LONRF3: variants seen among roughly 807,000 people sequenced by gnomAD.
LONRF3 encodes LON peptidase N-terminal domain and RING finger protein 3.
A neutral mutation model predicts 51.7 loss-of-function variants in LONRF3; 19 were observed. The ratio of observed to expected loss-of-function variants is 0.37; its 90% CI spans 0.26 to 0.54. The LOEUF (loss-of-function observed/expected upper bound fraction) is 0.54. Ranked by LOEUF, LONRF3 falls within the 20% of genes least tolerant of loss-of-function variation. LONRF3 has a pLI of 0.86. For missense variants in LONRF3, 521 were observed against 623.9 expected (o/e 0.84, Z 1.76); for synonymous variants, 265 against 257.8 (o/e 1.03, Z -0.27).
chrX:119,003,670 C>T (rs1924491976), intron 5 of LONRF3, among the ~76,000 whole-genome samples: 1 of 112,421 alleles, frequency 8.9e-6, no homozygotes, highest in Admixed American at 9.4e-5. Context: ...TGAGTCCTCC[C>T]ACATCGTTGC....
At position 118,975,080 on chromosome X, in the gene LONRF3, G is replaced by A; in HGVS notation, c.300G>A (p.Val100=). Residue 100 remains valine, a synonymous_variant, in exon 1 of 11, where the codon GTG becomes GTA. Transcript: ENST00000371628. ...YRQLSERQQL[V]AEQLEQLVRC... ...AGCTCTCCGAGCGGCAGCAGCTGGT[G>A]GCTGAGCAGCTGGAGCAGCTGGTGC... 1 of 1,174,349 alleles carries A rather than the reference G, an allele frequency of 8.5e-7. No homozygotes were observed. The highest frequency in any genetic ancestry group is 1.1e-6 in the Non-Finnish European group (1 of 877,167).
intron 3 of LONRF3, among the ~76,000 whole-genome samples, chrX:118,986,051 AACACAC>A (rs35356301): frequency 0.053 from 4,428 of 83,752 alleles, 144 homozygotes; most frequent in South Asian, 0.13. Flanking sequence ...AGTATATGGA[AACACAC>A]ACACACACAC....
intron 6 of LONRF3, among the ~76,000 whole-genome samples, chrX:119,007,034 G>C (rs2147301492): frequency 8.9e-6 from 1 of 112,670 alleles, no homozygotes; most frequent in South Asian, 3.7e-4. Flanking sequence ...TATTTCTCCT[G>C]TCTTATAGCC....
At chrX:119,001,916 A>C (rs1924344294) in intron 5 of LONRF3, among the ~76,000 whole-genome samples, 2 of 112,735 alleles carry the variant, frequency 1.8e-5, no homozygotes, top group Admixed American at 1.9e-4. Context: ...ATGGTTTTGC[A>C]TATTAGTTGT....
chrX:118,988,529 TC>T (rs963008667), intron 3 of LONRF3, among the ~76,000 whole-genome samples: 2 of 111,217 alleles, frequency 1.8e-5, no homozygotes, highest in African/African-American at 6.5e-5. Flanking sequence ...ATTATTTTTG[TC>T]CTCACCTCAT....
chrX:119,010,484 G>GT (rs941765352), intron 7 of LONRF3, among the ~76,000 whole-genome samples: 224 of 106,532 alleles, frequency 2.1e-3, no homozygotes, highest in Admixed American at 3.2e-3. Context: ...ACTAGAAATC[G>GT]TTTTTTTTTT....
At chrX:118,979,061 C>T (rs1311839008) in intron 2 of LONRF3, among the ~76,000 whole-genome samples, 3 of 97,489 alleles carry the variant, frequency 3.1e-5, no homozygotes, top group African/African-American at 1.2e-4. Context: ...AGTGCAGTGG[C>T]GCAATCTCGG....
At chrX:118,985,940 T>C (rs1232068763) in intron 3 of LONRF3, among the ~76,000 whole-genome samples, 2 of 111,066 alleles carry the variant, frequency 1.8e-5, no homozygotes, top group Non-Finnish European at 3.8e-5. Context: ...GACTGGAGCT[T>C]CCTTTAGTGG....
rs199972979 is a variant in LONRF3, at chrX:118,989,717, G to T, written c.1324+45G>T. 9 of 1,162,973 alleles carry T rather than the reference G, an allele frequency of 7.7e-6. No individual in the cohort carries two copies. The Admixed American group carries it at 2.2e-4, about 28-fold the overall frequency. ...AGAAGGTAGCTTGGAGGAGATCCCC[G>T]GGCTCACCAATATATACAAGTTACT... is the stretch of plus-strand genomic sequence containing the variant. On this transcript the variant is annotated intron_variant, in intron 4 of 10. Coordinates refer to ENST00000371628, the MANE Select transcript of LONRF3 (RefSeq NM_001031855.3).
chrX:119,006,385 T>C (rs115221783), intron 6 of LONRF3, 150 bp downstream of exon 6: 3 of 317,523 alleles, frequency 9.4e-6, no homozygotes, highest in Non-Finnish European at 1.7e-5. Flanking sequence ...AAACCATCTA[T>C]TTCTCCTGTC....
intron 7 of LONRF3, among the ~76,000 whole-genome samples, chrX:119,010,411 C>T (rs1925020355): frequency 8.9e-6 from 1 of 111,872 alleles, no homozygotes. Flanking sequence ...AGAGAACATT[C>T]GTAAACTCTG....
At chrX:118,990,064 T>C (rs906233279) in intron 4 of LONRF3, among the ~76,000 whole-genome samples, 2 of 111,864 alleles carry the variant, frequency 1.8e-5, no homozygotes, top group Non-Finnish European at 3.8e-5. Context: ...CCCAGTTGTG[T>C]TCCCATAGGT....
rs1027569244 is a variant in LONRF3, at chrX:119,017,471, G to A, written c.2125-64G>A. The A allele has an allele frequency of 1.7e-5, 19 of 1,092,269 alleles. No individual in the cohort carries two copies. In the African/African-American group the frequency reaches 3.0e-4, roughly 17 times the overall value. The allele number at this position is 1,092,269 out of a possible 1,213,427, so 90.0% of individuals were successfully genotyped here. ...CTGGGGTCTTTACCTTGAGCATTTG[G>A]AACTCTGCAGACTGATGTTCTTGGA... On this transcript the variant is annotated intron_variant, in intron 10 of 10. Coordinates refer to ENST00000371628, the MANE Select transcript of LONRF3 (RefSeq NM_001031855.3).
chrX:118,980,733 C>T (rs766473606), intron 2 of LONRF3, among the ~76,000 whole-genome samples: 3 of 111,262 alleles, frequency 2.7e-5, no homozygotes, highest in Non-Finnish European at 5.6e-5. Flanking sequence ...AGGGAGCTGC[C>T]TAGGAGTAAG....
chrX:118,982,802 T>C lies in LONRF3; in HGVS notation c.937-19T>C. 3 of 1,210,730 alleles carry C rather than the reference T, an allele frequency of 2.5e-6. No homozygotes were observed. Among genetic ancestry groups the C allele is most frequent in the Non-Finnish European group, 3.4e-6 (3 of 894,682 alleles). On this transcript the variant is annotated intron_variant, in intron 2 of 10. Transcript: ENST00000371628. Reference sequence around the variant, plus strand: ...ATAGGCTGAATAAAATGGGATTGAATGCTAATGTTTCCTTCCAGGCACATT... The same window carrying C: ...ATAGGCTGAATAAAATGGGATTGAACGCTAATGTTTCCTTCCAGGCACATT...
intron 5 of LONRF3, among the ~76,000 whole-genome samples, chrX:118,993,523 G>T (rs909205870): frequency 9.0e-6 from 1 of 111,604 alleles, no homozygotes; most frequent in African/African-American, 3.3e-5. Flanking sequence ...AAGAAGTCTG[G>T]GATTATGTTA....
At position 118,974,729 on chromosome X, in the gene LONRF3, C is replaced by T; in HGVS notation, c.-52C>T. ...GATTTCCTCCAGCTGCCACTCCTTG[C>T]TTCGTGTCCCCGGTCCCTAGACGCC... On this transcript the variant is annotated 5_prime_UTR_variant, in exon 1 of 11. Coordinates refer to ENST00000371628, the MANE Select transcript of LONRF3 (RefSeq NM_001031855.3). 1 of 1,046,577 alleles carries T rather than the reference C, an allele frequency of 9.6e-7. No homozygotes were observed. Among genetic ancestry groups the T allele is most frequent in the Non-Finnish European group, 1.3e-6 (1 of 784,572 alleles). The allele number at this position is 1,046,577 out of a possible 1,213,427, so 86.2% of individuals were successfully genotyped here.
At chrX:119,001,347 G>A (rs1049676180) in intron 5 of LONRF3, among the ~76,000 whole-genome samples, 15 of 111,949 alleles carry the variant, frequency 1.3e-4, no homozygotes, top group African/African-American at 4.5e-4. Flanking sequence ...GAAGAAAGAT[G>A]GGCTTGAGAG....
intron 2 of LONRF3, among the ~76,000 whole-genome samples, 159 bp downstream of exon 2, chrX:118,978,622 T>C (rs763235089): frequency 1.8e-5 from 2 of 111,044 alleles, no homozygotes; most frequent in East Asian, 5.7e-4. Context: ...AAAGAGTGAC[T>C]CAGGTCTGCA....
Sources: allele counts gnomAD v4.1 joint callset (sites outside exome capture counted in the v4.1 genomes callset), GRCh38; gene constraint gnomAD v4.1.1; transcripts MANE v1.5; gene names NCBI Gene and HGNC (gene_info 2026-07-23, HGNC 2026-07-21).